Variants in PLEKHA8 observed in about 807,000 individuals in gnomAD.
PLEKHA8 encodes the protein pleckstrin homology domain containing A8.
Under a neutral mutation model 68.2 loss-of-function variants are expected in PLEKHA8, and 36 were observed. The observed-to-expected ratio is 0.53, with a 90% CI of 0.40 to 0.70. The LOEUF (loss-of-function observed/expected upper bound fraction) is 0.70, where lower values mean the gene tolerates loss of function less well. PLEKHA8 is among the 30% of genes least tolerant of loss of function. The pLI, the probability that PLEKHA8 is intolerant of heterozygous loss-of-function variation, is 0.00. For missense variants in PLEKHA8, 505 were observed against 615.4 expected (o/e 0.82, Z 1.90); for synonymous variants, 211 against 216.1 (o/e 0.98, Z 0.20).
At chr7:30,065,532 T>A (rs561733125) in intron 12 of PLEKHA8, among the ~76,000 whole-genome samples, 86 of 152,188 alleles carry the variant, frequency 5.7e-4, no homozygotes, top group African/African-American at 2.1e-3. Flanking sequence ...ATATTTCTTC[T>A]GGGATAATGG....
intron 13 of PLEKHA8, among the ~76,000 whole-genome samples, chr7:30,100,030 G>A (rs984957214): frequency 3.3e-5 from 5 of 152,082 alleles, no homozygotes; most frequent in African/African-American, 7.2e-5. Flanking sequence ...GGTGGTTGTC[G>A]GCAATCCTAG....
intron 1 of PLEKHA8, among the ~76,000 whole-genome samples, chr7:30,043,525 A>G (rs11771252): frequency 0.14 from 22,038 of 152,184 alleles, 1,627 homozygotes; most frequent in Middle Eastern, 0.19. Context: ...ATATTATGGG[A>G]GAGTGGATGC....
downstream of PLEKHA8, among the ~76,000 whole-genome samples, chr7:30,087,930 G>T (rs1795244379): frequency 6.6e-6 from 1 of 152,152 alleles, no homozygotes; most frequent in Non-Finnish European, 1.5e-5. Context: ...TTAGGTTCTG[G>T]TTATTGGTGT....
Position 30,055,358 on chromosome 7 carries a change from T to C in PLEKHA8, c.1039+16T>C. On this transcript the variant is annotated intron_variant, in intron 9 of 13. Coordinates refer to ENST00000449726, the MANE Select transcript of PLEKHA8 (RefSeq NM_001197026.2). ...CCAGTATTAGGTAAGATTCCTGCAGTTGCCTTACATTCATTCATGTCTAGA... is the reference window on the plus strand; with the variant it reads ...CCAGTATTAGGTAAGATTCCTGCAGCTGCCTTACATTCATTCATGTCTAGA... 1 of 1,600,020 alleles carries C rather than the reference T, an allele frequency of 6.2e-7. No individual in the cohort carries two copies. Among genetic ancestry groups the C allele is most frequent in the South Asian group, 1.1e-5 (1 of 90,804 alleles).
chr7:30,031,371 G>A (rs907085003), intron 1 of PLEKHA8, among the ~76,000 whole-genome samples: 1 of 152,184 alleles, frequency 6.6e-6, no homozygotes, highest in Non-Finnish European at 1.5e-5. Context: ...AAATCAAGCT[G>A]TTAATAGTTC....
Position 30,078,059 on chromosome 7 carries a change from G to A in PLEKHA8, c.1363-531G>A, listed in dbSNP as rs559333127. On this transcript the variant is annotated intron_variant, in intron 13 of 13. Coordinates refer to ENST00000449726, the MANE Select transcript of PLEKHA8 (RefSeq NM_001197026.2). Reference sequence around the variant, plus strand: ...ACTATGTTAAAGCATCAGCGCACAAGCAAACAATAAATGTTAGCTCCCTTC... The same window carrying A: ...ACTATGTTAAAGCATCAGCGCACAAACAAACAATAAATGTTAGCTCCCTTC... Among the ~76,000 whole-genome samples the A allele has an allele frequency of 9.9e-5, 15 of 152,262 alleles. No homozygotes were observed. In the South Asian group the frequency reaches 2.9e-3, roughly 29 times the overall value.
chr7:30,053,399 T>G (rs1288573724), intron 7 of PLEKHA8, among the ~76,000 whole-genome samples: 2 of 152,212 alleles, frequency 1.3e-5, no homozygotes, highest in Non-Finnish European at 2.9e-5. Flanking sequence ...GACAACTATA[T>G]TAGAGCTTTT....
At chr7:30,093,608 A>G (rs765500574), downstream of PLEKHA8, among the ~76,000 whole-genome samples, 4 of 152,220 alleles carry the variant, frequency 2.6e-5, no homozygotes, top group Non-Finnish European at 4.4e-5. Context: ...GTAAACTGAG[A>G]TAAAGAGATT....
At chr7:30,110,467 G>C (rs1402342402) in intron 13 of PLEKHA8, among the ~76,000 whole-genome samples, 1 of 152,182 alleles carries the variant, frequency 6.6e-6, no homozygotes, top group Non-Finnish European at 1.5e-5. Flanking sequence ...TATTAATAAT[G>C]TTGCTAGAAT....
At chr7:30,075,850 G>A (rs937886313) in intron 13 of PLEKHA8, among the ~76,000 whole-genome samples, 2 of 151,952 alleles carry the variant, frequency 1.3e-5, no homozygotes, top group Non-Finnish European at 2.9e-5. Flanking sequence ...CCTTTACCCT[G>A]TACTTTAATG....
intron 13 of PLEKHA8, among the ~76,000 whole-genome samples, chr7:30,074,907 T>A (rs531115782): frequency 6.6e-6 from 1 of 152,262 alleles, no homozygotes; most frequent in Admixed American, 6.5e-5. Flanking sequence ...TTAGACTGCT[T>A]TATAAAATAG....
At position 30,083,175 on chromosome 7, in the gene PLEKHA8, C is replaced by T. The variant is rs2128001190; in HGVS notation, c.*4388C>T. 1 of 983,298 alleles carries T rather than the reference C, an allele frequency of 1.0e-6. No individual in the cohort carries two copies. The highest frequency in any genetic ancestry group is 1.1e-4 in the East Asian group (1 of 8,804). The allele number at this position is 983,298 out of a possible 1,614,324, so 60.9% of individuals were successfully genotyped here. On this transcript the variant is annotated 3_prime_UTR_variant, in exon 14 of 14. Transcript: ENST00000449726. ...CCTGACTTCAGATACTCTTTGTGAT[C>T]TTGTAAGGGCTCTACACAAACTTCA...
At chr7:30,043,439 C>G (rs1430139563) in intron 1 of PLEKHA8, among the ~76,000 whole-genome samples, 1 of 152,014 alleles carries the variant, frequency 6.6e-6, no homozygotes, top group Non-Finnish European at 1.5e-5. Context: ...AGGAAGTCCT[C>G]CATATAAAAT....
chr7:30,031,774 A>G (rs954924932), intron 1 of PLEKHA8, among the ~76,000 whole-genome samples: 2 of 152,180 alleles, frequency 1.3e-5, no homozygotes, highest in African/African-American at 4.8e-5. Flanking sequence ...ACTAAATACT[A>G]TGTATTATTA....
Position 30,036,048 on chromosome 7 carries a change from G to A in PLEKHA8, c.40+7246G>A, listed in dbSNP as rs572370551. Among the ~76,000 whole-genome samples the A allele has an allele frequency of 2.0e-5, 3 of 152,154 alleles. No homozygotes were observed. In the East Asian group the frequency reaches 5.9e-4, roughly 30 times the overall value. On this transcript the variant is annotated intron_variant, in intron 1 of 13. Transcript: ENST00000449726. The stretch of plus-strand genomic sequence containing the variant: ...ACATGGGCAGATCGCTTGAGGCCAG[G>A]AGTTTGAGACCAGCCTGGCCAACAT...
At chr7:30,115,623 T>C (rs965513491) in intron 13 of PLEKHA8, among the ~76,000 whole-genome samples, 1 of 150,794 alleles carries the variant, frequency 6.6e-6, no homozygotes, top group Non-Finnish European at 1.5e-5. Flanking sequence ...CATGCACACA[T>C]ACATGTACAC....
chr7:30,095,974 G>GT (rs1279147994), intron 13 of PLEKHA8, among the ~76,000 whole-genome samples: 2 of 152,216 alleles, frequency 1.3e-5, no homozygotes, highest in Admixed American at 6.5e-5. Flanking sequence ...CTCCAGCTTT[G>GT]TTTTTTTGGC....
chr7:30,071,154 C>T (rs758216032), intron 12 of PLEKHA8, among the ~76,000 whole-genome samples: 14 of 152,228 alleles, frequency 9.2e-5, no homozygotes, highest in South Asian at 8.3e-4. Flanking sequence ...TTTTCAACAA[C>T]GGACATCAAT....
chr7:30,072,573 C>T (rs1215214413), intron 12 of PLEKHA8, among the ~76,000 whole-genome samples: 1 of 152,238 alleles, frequency 6.6e-6, no homozygotes. Flanking sequence ...CCTGACTTCC[C>T]TTGGCAATGT....
Sources: gnomAD v4.1 joint callset for allele counts (sites outside exome capture counted in the v4.1 genomes callset) on GRCh38, gnomAD v4.1.1 for gene constraint, MANE v1.5 for transcripts, NCBI Gene and HGNC (gene_info 2026-07-23, HGNC 2026-07-21) for gene names.